Variants in FRMD6 observed in about 807,000 individuals in gnomAD.
The protein encoded by FRMD6 is FERM domain containing 6, also known as FERM domain-containing protein 6.
In FRMD6, 37 loss-of-function variants were observed where a neutral mutation model predicts 73.2. The observed-to-expected ratio is 0.51, with a 90% CI of 0.39 to 0.66. The LOEUF (loss-of-function observed/expected upper bound fraction) is 0.66, where lower values mean the gene tolerates loss of function less well. FRMD6 is among the 30% of genes least tolerant of loss of function. The pLI is 0.00. For missense variants in FRMD6, 714 were observed against 780.5 expected, an observed-to-expected ratio of 0.91 and a Z score of 1.02; for synonymous variants, 273 against 282.2, an observed-to-expected ratio of 0.97 and a Z score of 0.33.
the FRMD6 span, among the ~76,000 whole-genome samples, chr14:51,432,749 C>A: frequency 1.8e-4 from 28 of 152,158 alleles, no homozygotes; most frequent in African/African-American, 6.8e-4. Flanking sequence ...CGGACCACCT[C>A]TGGGAGGAAT....
At chr14:51,707,094 T>G (rs953042003) in intron 6 of FRMD6, among the ~76,000 whole-genome samples, 1 of 152,098 alleles carries the variant, frequency 6.6e-6, no homozygotes. Flanking sequence ...TTACAAATAC[T>G]GTTTTCAGTG....
intron 1 of FRMD6, among the ~76,000 whole-genome samples, chr14:51,683,745 G>A (rs759441655): frequency 6.6e-6 from 1 of 152,130 alleles, no homozygotes; most frequent in Non-Finnish European, 1.5e-5. Context: ...GTAACTTACC[G>A]AAGGTCACAC....
chr14:51,436,287 T>C, the FRMD6 span: 1 of 378,428 alleles, frequency 2.6e-6, no homozygotes, highest in South Asian at 2.9e-5. Context: ...TCAGAAGAGG[T>C]CAGAATTGAT....
the FRMD6 span, among the ~76,000 whole-genome samples, chr14:51,439,552 C>A: frequency 6.6e-6 from 1 of 152,152 alleles, no homozygotes; most frequent in Non-Finnish European, 1.5e-5. Context: ...GAGAGTAATA[C>A]TGCATCAGAC....
At chr14:51,709,816 G>A (rs939723621) in intron 7 of FRMD6, among the ~76,000 whole-genome samples, 91 of 152,088 alleles carry the variant, frequency 6.0e-4, no homozygotes, top group African/African-American at 2.1e-3. Flanking sequence ...GTAAGAGTGT[G>A]GCTTTGGAAT....
chr14:51,719,042 A>G (rs1434927314), intron 10 of FRMD6, among the ~76,000 whole-genome samples: 1 of 152,150 alleles, frequency 6.6e-6, no homozygotes, highest in African/African-American at 2.4e-5. Context: ...CATTCCCCAA[A>G]TGCACTCTCC....
chr14:51,535,041 C>G (rs1194483992), intron 1 of FRMD6, among the ~76,000 whole-genome samples: 1 of 152,188 alleles, frequency 6.6e-6, no homozygotes, highest in Non-Finnish European at 1.5e-5. Context: ...GTGAACTACT[C>G]AGATATTTTG....
At chr14:51,670,029 C>T (rs1029526647) in intron 1 of FRMD6, among the ~76,000 whole-genome samples, 10 of 149,986 alleles carry the variant, frequency 6.7e-5, no homozygotes, top group South Asian at 2.1e-4. Flanking sequence ...GGATTTTTAC[C>T]GAAAAAAAAA....
intron 8 of FRMD6, among the ~76,000 whole-genome samples, chr14:51,711,899 T>C (rs568359337): frequency 6.6e-6 from 1 of 152,370 alleles, no homozygotes; most frequent in South Asian, 2.1e-4. Context: ...CAAACGTTTC[T>C]GTGTGTCAGT....
At chr14:51,691,617 CAG>C (rs1189525983) in intron 2 of FRMD6, among the ~76,000 whole-genome samples, 2 of 78,094 alleles carry the variant, frequency 2.6e-5, no homozygotes, top group East Asian at 8.0e-4. Context: ...TTTTTTGAGT[CAG>C]AGTCTTTCTC....
At chr14:51,603,002 A>C (rs1310722798) in intron 2 of FRMD6, among the ~76,000 whole-genome samples, 1 of 152,162 alleles carries the variant, frequency 6.6e-6, no homozygotes, top group Non-Finnish European at 1.5e-5. Flanking sequence ...CTAACTCCCA[A>C]GGTATTAGGT....
chr14:51,411,525 G>T, the FRMD6 span, among the ~76,000 whole-genome samples: 1 of 152,160 alleles, frequency 6.6e-6, no homozygotes, highest in African/African-American at 2.4e-5. Flanking sequence ...TTACATTGGG[G>T]GCAGCCCACT....
At chr14:51,463,520 G>C in the FRMD6 span, among the ~76,000 whole-genome samples, 1 of 152,174 alleles carries the variant, frequency 6.6e-6, no homozygotes, top group African/African-American at 2.4e-5. Flanking sequence ...CATGAATATG[G>C]AGGGCCAATT....
At chr14:51,621,680 A>G (rs1890932811) in intron 2 of FRMD6, among the ~76,000 whole-genome samples, 1 of 152,210 alleles carries the variant, frequency 6.6e-6, no homozygotes, top group South Asian at 2.1e-4. Context: ...AGTCTAATTT[A>G]TATGATACCA....
intron 1 of FRMD6, among the ~76,000 whole-genome samples, chr14:51,547,500 GTC>G (rs1156424242): frequency 6.6e-6 from 1 of 152,170 alleles, no homozygotes; most frequent in African/African-American, 2.4e-5. Context: ...TTCTGTAATA[GTC>G]TTGGAATAGT....
At chr14:51,551,828 C>A (rs1886858603) in intron 1 of FRMD6, among the ~76,000 whole-genome samples, 1 of 151,640 alleles carries the variant, frequency 6.6e-6, no homozygotes, top group African/African-American at 2.4e-5. Flanking sequence ...AATGCATTAA[C>A]ATCTATTATA....
chr14:51,648,728 A>G (rs1273340352), upstream of FRMD6, among the ~76,000 whole-genome samples: 2 of 152,194 alleles, frequency 1.3e-5, no homozygotes, highest in Non-Finnish European at 1.5e-5. Context: ...CTAATCTACT[A>G]TAAGATTAAG....
chr14:51,525,887 C>G (rs976575404), intron 1 of FRMD6, among the ~76,000 whole-genome samples: 1 of 152,138 alleles, frequency 6.6e-6, no homozygotes, highest in Non-Finnish European at 1.5e-5. Flanking sequence ...AGGAAGTTGA[C>G]AGTCCTTTGA....
intron 3 of FRMD6, 41 bp downstream of exon 3, chr14:51,698,273 C>A: frequency 7.2e-7 from 1 of 1,385,460 alleles, no homozygotes; most frequent in Non-Finnish European, 1.0e-6. Context: ...AGCCAACTAT[C>A]CCTGAGGAAA....
Sources: allele counts gnomAD v4.1 joint callset (sites outside exome capture counted in the v4.1 genomes callset), GRCh38; gene constraint gnomAD v4.1.1; transcripts MANE v1.5; gene names NCBI Gene and HGNC (gene_info 2026-07-23, HGNC 2026-07-21).